CEP85L: variants seen among roughly 807,000 people sequenced by gnomAD.
The protein encoded by CEP85L is centrosomal protein of 85 kDa-like.
A neutral mutation model predicts 100.3 loss-of-function variants in CEP85L; 60 were observed. The ratio of observed to expected loss-of-function variants is 0.60; its 90% confidence interval spans 0.49 to 0.74. The LOEUF (loss-of-function observed/expected upper bound fraction) is 0.74, where lower values mean the gene tolerates loss of function less well. Among genes scored for constraint, CEP85L ranks in the 30% least tolerant of loss-of-function variants. CEP85L has a pLI of 0.00. For missense variants in CEP85L, 973 were observed against 936.2 expected (o/e 1.04, Z -0.51); for synonymous variants, 319 against 322.7 (o/e 0.99, Z 0.12).
intron 3 of CEP85L, among the ~76,000 whole-genome samples, chr6:118,552,245 TAAAG>T (rs1315260116): frequency 6.6e-6 from 1 of 151,944 alleles, no homozygotes; most frequent in African/African-American, 2.4e-5. Flanking sequence ...TCTACAAACA[TAAAG>T]AATCCCAGGA....
rs562532255 is a variant in CEP85L, at chr6:118,484,265, G to A, written c.1438-407C>T. ...GGGGTGGCTGAGGTTGCAGTGAGCC[G>A]AGATTGTGCCACTGCACTCCTGCCT... is the stretch of plus-strand genomic sequence containing the variant. On this transcript the variant is annotated intron_variant, in intron 6 of 12. Transcript: ENST00000368491. Among the ~76,000 whole-genome samples, 8 of 152,342 alleles carry A rather than the reference G, an allele frequency of 5.3e-5. 1 individual carries two copies. The South Asian group carries it at 8.3e-4, about 16-fold the overall frequency.
intron 4 of CEP85L, among the ~76,000 whole-genome samples, chr6:118,514,351 C>A (rs1776139595): frequency 6.6e-6 from 1 of 151,592 alleles, no homozygotes; most frequent in Admixed American, 6.6e-5. Flanking sequence ...ATGGTGAAAC[C>A]CCATCTCCAC....
At chr6:118,621,775 A>C (rs1773460196) in intron 2 of CEP85L, among the ~76,000 whole-genome samples, 1 of 152,336 alleles carries the variant, frequency 6.6e-6, no homozygotes, top group East Asian at 1.9e-4. Context: ...TCCTCGCCCT[A>C]AGACATTGAA....
chr6:118,565,499 G>A, intron 3 of CEP85L, 30 bp downstream of exon 3: 3 of 1,604,566 alleles, frequency 1.9e-6, no homozygotes, highest in Non-Finnish European at 1.7e-6. Context: ...ATCCACTGGA[G>A]GGAAGCAAAC....
chr6:118,680,315 T>G (rs1265566640), intron 1 of CEP85L, among the ~76,000 whole-genome samples: 3 of 148,828 alleles, frequency 2.0e-5, no homozygotes, highest in African/African-American at 7.4e-5. Flanking sequence ...GCTTTTTTTT[T>G]TTTTTTTTTT....
chr6:118,641,348 T>C (rs924470110), intron 1 of CEP85L, among the ~76,000 whole-genome samples: 14 of 152,146 alleles, frequency 9.2e-5, no homozygotes, highest in African/African-American at 2.9e-4. Flanking sequence ...AGTGAATACA[T>C]GCATGCCAGG....
In CEP85L at chr6:118,572,561, ACT is replaced by A. The variant is rs1474880691; in HGVS notation, c.233-6247_233-6246del. ...CACTCCAGTCTGGAGACAGAGCGAG[ACT>A]CTGTCTCAAATAAATAAATAAACAA... On this transcript the variant is annotated intron_variant, in intron 2 of 12. Transcript: ENST00000368491. Among the ~76,000 whole-genome samples, 3 of 151,696 alleles carry A rather than the reference ACT, an allele frequency of 2.0e-5. No homozygotes were observed. In the East Asian group the frequency reaches 5.9e-4, roughly 30 times the overall value.
intron 5 of CEP85L, among the ~76,000 whole-genome samples, chr6:118,492,788 A>T (rs1774660115): frequency 6.6e-6 from 1 of 151,980 alleles, no homozygotes; most frequent in Non-Finnish European, 1.5e-5. Flanking sequence ...CAAAAAGACC[A>T]AAAAAAGACA....
chr6:118,657,492 T>C (rs1344000837), upstream of CEP85L, among the ~76,000 whole-genome samples: 4 of 152,162 alleles, frequency 2.6e-5, no homozygotes, highest in Non-Finnish European at 5.9e-5. Context: ...TGGTGGCACA[T>C]GCCTGTAGTC....
At chr6:118,523,257 ACTGT>A (rs1776768632) in intron 4 of CEP85L, among the ~76,000 whole-genome samples, 1 of 152,202 alleles carries the variant, frequency 6.6e-6, no homozygotes, top group South Asian at 2.1e-4. Context: ...TACTCAGGAG[ACTGT>A]CTATTAAGTA....
At chr6:118,496,686 C>T (rs1774949312) in intron 5 of CEP85L, among the ~76,000 whole-genome samples, 1 of 152,112 alleles carries the variant, frequency 6.6e-6, no homozygotes, top group African/African-American at 2.4e-5. Flanking sequence ...AGATTACTGG[C>T]CAGAGTTTTT....
rs58066356 is a variant in CEP85L at position 118,600,370 on chromosome 6, T to TGTGTGTGTGTGTGTGTGTGG, written c.232+32082_232+32083insCCACACACACACACACACAC. 8.3e-4 allele frequency among the ~76,000 whole-genome samples: 72 copies of TGTGTGTGTGTGTGTGTGTGG among 86,438 alleles called. 13 individuals carry two copies. The highest frequency in any genetic ancestry group is 1.2e-3 in the Non-Finnish European group (46 of 39,066). 56.7% of individuals were successfully genotyped at this position (86,438 alleles called of 152,430 possible). On this transcript the variant is annotated intron_variant, in intron 2 of 12. Coordinates refer to ENST00000368491, the MANE Select transcript of CEP85L (RefSeq NM_001042475.3). The stretch of plus-strand genomic sequence containing the variant: ...GTGTGTGTGTGTGTGTGTGTGTGTG[T>TGTGTGTGTGTGTGTGTGTGG]AACGCCATGGAGCAATCTCAGCTCA...
chr6:118,493,876 A>G (rs564172906), intron 5 of CEP85L, among the ~76,000 whole-genome samples: 19 of 152,314 alleles, frequency 1.2e-4, no homozygotes, highest in African/African-American at 4.6e-4. Flanking sequence ...TATGGAACTC[A>G]GGAAGATGGC....
intron 2 of CEP85L, among the ~76,000 whole-genome samples, chr6:118,594,877 AAAAC>A (rs1781383216): frequency 7.5e-6 from 1 of 134,222 alleles, no homozygotes; most frequent in Non-Finnish European, 1.6e-5. Flanking sequence ...CAAACAAAAC[AAAAC>A]AAAAAAAAAA....
chr6:118,590,086 C>T (rs995955653), intron 2 of CEP85L, among the ~76,000 whole-genome samples: 16 of 151,928 alleles, frequency 1.1e-4, no homozygotes, highest in African/African-American at 3.9e-4. Flanking sequence ...CGTGGAATAC[C>T]ACTATAAATA....
chr6:118,488,955 G>C (rs771029920), intron 6 of CEP85L, among the ~76,000 whole-genome samples: 7 of 152,108 alleles, frequency 4.6e-5, no homozygotes, highest in Non-Finnish European at 1.0e-4. Context: ...AATAATGTAA[G>C]AAGAAGTGTT....
chr6:118,467,520 T>C (rs1193007243), intron 12 of CEP85L, among the ~76,000 whole-genome samples: 2 of 152,142 alleles, frequency 1.3e-5, no homozygotes, highest in Non-Finnish European at 1.5e-5. Context: ...CTGGTAAAAC[T>C]TTCACAATGC....
At chr6:118,555,425 C>CAAA (rs200889385) in intron 3 of CEP85L, among the ~76,000 whole-genome samples, 15,449 of 116,008 alleles carry the variant, frequency 0.13, 1,326 homozygotes, top group Non-Finnish European at 0.18. Flanking sequence ...AAGACTGTCT[C>CAAA]AAAAAAAAAA....
Position 118,594,886 on chromosome 6 carries a change from A to C in CEP85L, c.233-28570T>G, listed in dbSNP as rs562611071. ...AAAAAACAAACAAAACAAAACAAAA[A>C]AAAAAAACCTCAAATTTTTGAAAAA... On this transcript the variant is annotated intron_variant, in intron 2 of 12. Coordinates refer to ENST00000368491, the MANE Select transcript of CEP85L (RefSeq NM_001042475.3). Among the ~76,000 whole-genome samples, 187 of 151,916 alleles carry C rather than the reference A, an allele frequency of 1.2e-3. 1 individual carries two copies. The highest frequency in any genetic ancestry group is 3.8e-3 in the African/African-American group (158 of 41,434).
Sources: allele counts gnomAD v4.1 joint callset (sites outside exome capture counted in the v4.1 genomes callset), GRCh38; gene constraint gnomAD v4.1.1; transcripts MANE v1.5; gene names NCBI Gene and HGNC (gene_info 2026-07-23, HGNC 2026-07-21).